Variants in MAP2K2 observed in about 807,000 individuals in gnomAD.
MAP2K2 encodes the protein dual specificity mitogen-activated protein kinase kinase 2.
A neutral mutation model predicts 43.7 loss-of-function variants in MAP2K2; 24 were observed. The observed-to-expected ratio is 0.55, with a 90% CI of 0.40 to 0.77. MAP2K2 has a LOEUF of 0.77. Among genes scored for constraint, MAP2K2 ranks in the 30% least tolerant of loss-of-function variants. The pLI, the probability that MAP2K2 is intolerant of heterozygous loss-of-function variation, is 0.00. For missense variants in MAP2K2, 470 were observed against 566.8 expected, an observed-to-expected ratio of 0.83 and a Z score of 1.73; for synonymous variants, 244 against 239.7, an observed-to-expected ratio of 1.02 and a Z score of -0.17.
chr19:4,096,621 C>T (rs1204955474), intron 8 of MAP2K2, among the ~76,000 whole-genome samples: 2 of 152,238 alleles, frequency 1.3e-5, no homozygotes, highest in African/African-American at 4.8e-5. Flanking sequence ...CCGGGACCTA[C>T]AGGTCCTTCT....
intron 10 of MAP2K2, among the ~76,000 whole-genome samples, chr19:4,093,418 C>T (rs184120372): frequency 4.1e-4 from 62 of 151,962 alleles, no homozygotes; most frequent in South Asian, 2.1e-4. Context: ...TGACCAGGTG[C>T]GGTGGCTCAC....
chr19:4,102,505 C>G (rs747462366), intron 3 of MAP2K2, 52 bp from the exon 4 acceptor site: 147 of 1,366,164 alleles, frequency 1.1e-4, no homozygotes, highest in Non-Finnish European at 1.5e-4. Flanking sequence ...GGCCGGGAAG[C>G]CACGGATGCG....
intron 10 of MAP2K2, among the ~76,000 whole-genome samples, chr19:4,094,121 G>C (rs1367364270): frequency 6.6e-6 from 1 of 152,170 alleles, no homozygotes; most frequent in Non-Finnish European, 1.5e-5. Context: ...GGGGGGCTGA[G>C]AGCTGCCTCC....
chr19:4,108,874 T>A (rs2041121678), intron 3 of MAP2K2, among the ~76,000 whole-genome samples: 1 of 152,082 alleles, frequency 6.6e-6, no homozygotes, highest in African/African-American at 2.4e-5. Flanking sequence ...GAGCACCACA[T>A]GACAGAGGGG....
At chr19:4,090,737 C>T (rs371723095) in intron 10 of MAP2K2, 29 bp from the exon 11 acceptor site, 65 of 1,483,320 alleles carry the variant, frequency 4.4e-5, no homozygotes, top group African/African-American at 3.2e-4. Flanking sequence ...CGTGAGCACC[C>T]GGGCCTGGAG....
intron 3 of MAP2K2, chr19:4,103,093 G>A (rs1032281866): frequency 1.1e-5 from 11 of 1,015,088 alleles, no homozygotes; most frequent in Non-Finnish European, 1.2e-5. Flanking sequence ...AGGACCAGGG[G>A]CCAGGGGGTG....
At chr19:4,102,933 C>T (rs563515548) in intron 3 of MAP2K2, 6 of 1,124,636 alleles carry the variant, frequency 5.3e-6, no homozygotes, top group South Asian at 2.1e-5. Flanking sequence ...GGAGGAGACG[C>T]GGGTGCTGCC....
rs777709357 is a variant in MAP2K2 at position 4,099,262 on chromosome 19, C to A, written c.858G>T (p.Gly286=). ...AGATGCTGTGAGGCTCTCCTTCTTC[C>A]CCGTCGACCACGGGCCGGCCAAAGA... is the stretch of plus-strand genomic sequence containing the variant. ...EAIFGRPVVD[G]EEGEPHSISP... The change falls in exon 7 of 11, where the codon GGG becomes GGT. Residue 286 remains glycine (G), a synonymous_variant. Transcript: ENST00000262948. The A allele has an allele frequency of 6.2e-7, 1 of 1,606,238 alleles. No homozygotes were observed. The highest frequency in any genetic ancestry group is 1.1e-5 in the South Asian group (1 of 90,014).
At chr19:4,098,424 C>T (rs546535064) in intron 7 of MAP2K2, among the ~76,000 whole-genome samples, 3 of 152,232 alleles carry the variant, frequency 2.0e-5, no homozygotes, top group East Asian at 1.9e-4. Flanking sequence ...CTTTGTAGTT[C>T]GGAAACATGG....
intron 10 of MAP2K2, among the ~76,000 whole-genome samples, chr19:4,093,038 A>AT (rs1568248781): frequency 1.3e-5 from 2 of 151,674 alleles, no homozygotes; most frequent in Non-Finnish European, 2.9e-5. Flanking sequence ...GGGAAACCCC[A>AT]TCTCTACTAA....
intron 2 of MAP2K2, among the ~76,000 whole-genome samples, chr19:4,112,651 GCTGCCTGCCC>G (rs1005002659): frequency 4.0e-5 from 6 of 151,706 alleles, no homozygotes; most frequent in South Asian, 4.2e-4. Context: ...CAGCCCTGGC[GCTGCCTGCCC>G]CTGCCTGCCC....
At chr19:4,099,135 C>G in intron 7 of MAP2K2, 66 bp downstream of exon 7, 1 of 1,416,086 alleles carries the variant, frequency 7.1e-7, no homozygotes. Context: ...GCTGCTGACC[C>G]TGGCACAGCA....
chr19:4,101,412 G>A lies in MAP2K2; in HGVS notation c.529-132C>T, dbSNP rs2041009424. 4 of 984,848 alleles carry A rather than the reference G, an allele frequency of 4.1e-6. No homozygotes were observed. Among genetic ancestry groups the A allele is most frequent in the South Asian group, 2.8e-5 (2 of 72,606 alleles). 61.0% of individuals were successfully genotyped at this position (984,848 alleles called of 1,614,324 possible). On this transcript the variant is annotated intron_variant, in intron 4 of 10. Coordinates refer to ENST00000262948, the MANE Select transcript of MAP2K2 (RefSeq NM_030662.4). This position sits in a 1 kb window ranked among gnomAD's most constrained non-coding sequence, Gnocchi z 6.3. The stretch of plus-strand genomic sequence containing the variant: ...CGGCAGGAACCATTTCAGGCTGTGA[G>A]GAGCTCGCTGGGGTGGAGCAAGCGA...
chr19:4,094,204 G>A (rs541307580), intron 10 of MAP2K2, among the ~76,000 whole-genome samples: 5 of 152,130 alleles, frequency 3.3e-5, no homozygotes, highest in African/African-American at 7.2e-5. Flanking sequence ...CAGGAGCGGC[G>A]GAGCTCAGAG....
intron 3 of MAP2K2, among the ~76,000 whole-genome samples, chr19:4,107,691 A>G (rs1282316148): frequency 6.6e-6 from 1 of 152,034 alleles, no homozygotes; most frequent in Admixed American, 6.6e-5. Flanking sequence ...TGGGTGACAG[A>G]GAGAGACCTT....
At chr19:4,102,995 G>A in intron 3 of MAP2K2, 1 of 1,069,366 alleles carries the variant, frequency 9.4e-7, no homozygotes, top group Middle Eastern at 4.5e-4. Context: ...ACCCCCAGGG[G>A]GCTCCCTCGC....
chr19:4,095,091 C>T (rs2055927688), intron 9 of MAP2K2: 2 of 404,338 alleles, frequency 4.9e-6, no homozygotes, highest in Non-Finnish European at 9.1e-6. Context: ...CACCAGGGGT[C>T]CGGGGACCAG....
Position 4,101,742 on chromosome 19 carries a change from G to A in MAP2K2, c.529-462C>T, listed in dbSNP as rs999309867. ...AGGCCCGCCCTGGAAGCAGCATCCC[G>A]AGAAGTGAAGCAAGCAGCACAGGCA... On this transcript the variant is annotated intron_variant, in intron 4 of 10. Coordinates refer to ENST00000262948, the MANE Select transcript of MAP2K2 (RefSeq NM_030662.4). The surrounding 1 kb of genome is among the most constrained non-coding windows in gnomAD (Gnocchi z 6.3). 3.3e-5 allele frequency among the ~76,000 whole-genome samples: 5 copies of A among 152,160 alleles called. No homozygotes were observed. The highest frequency in any genetic ancestry group is 1.3e-4 in the Admixed American group (2 of 15,276).
chr19:4,122,969 T>C (rs1347814984), intron 1 of MAP2K2, among the ~76,000 whole-genome samples: 1 of 146,274 alleles, frequency 6.8e-6, no homozygotes, highest in Non-Finnish European at 1.5e-5. Flanking sequence ...TGGAGCCCCC[T>C]TGCCCAGATT....
Sources: gnomAD v4.1 joint callset for allele counts (sites outside exome capture counted in the v4.1 genomes callset) on GRCh38, gnomAD v4.1.1 for gene constraint, Gnocchi (gnomAD v3.1) non-coding constraint, MANE v1.5 for transcripts, NCBI Gene and HGNC (gene_info 2026-07-23, HGNC 2026-07-21) for gene names.